The following GLB1L2 variants were observed in gnomAD, a reference collection of about 807,000 sequenced individuals.
GLB1L2 encodes beta-galactosidase-1-like protein 2.
In GLB1L2, 68 loss-of-function variants were observed where a neutral mutation model predicts 84.1. The ratio of observed to expected loss-of-function variants is 0.81; its 90% confidence interval spans 0.67 to 0.99. The LOEUF (loss-of-function observed/expected upper bound fraction) is 0.99. GLB1L2 is among the 50% of genes least tolerant of loss of function. The pLI is 0.00. For synonymous variants in GLB1L2, 290 were observed against 318.0 expected (o/e 0.91, Z 0.94); for missense variants, 762 against 805.6 (o/e 0.95, Z 0.66).
chr11:134,369,946 C>A, intron 11 of GLB1L2, 61 bp downstream of exon 11: 1 of 1,408,702 alleles, frequency 7.1e-7, no homozygotes, highest in Non-Finnish European at 1.0e-6. Context: ...TCTCAGACCC[C>A]TAAAGAGTTA....
At chr11:134,373,490 T>C (rs1943983539) in intron 15 of GLB1L2, among the ~76,000 whole-genome samples, 1 of 152,108 alleles carries the variant, frequency 6.6e-6, no homozygotes, top group African/African-American at 2.4e-5. Context: ...CCATGGCAAA[T>C]CTTAGGGTCT....
At chr11:134,349,350 G>A (rs1362863176) in intron 5 of GLB1L2, among the ~76,000 whole-genome samples, 1 of 152,216 alleles carries the variant, frequency 6.6e-6, no homozygotes, top group East Asian at 1.9e-4. Flanking sequence ...ATTGACGAAC[G>A]TTTGAGTTGC....
chr11:134,355,296 C>G (rs1943686264), intron 5 of GLB1L2, among the ~76,000 whole-genome samples: 1 of 152,114 alleles, frequency 6.6e-6, no homozygotes. Flanking sequence ...ATAGATCTTG[C>G]TCTACTGAGT....
rs1363207963 is a variant in GLB1L2 at position 134,334,857 on chromosome 11, T to C, written c.86+2710T>C. ...GAACCGTGCCTTTGAGCCAGTTGCCTTTCATTCTCTTCCTATTCGCACTCC... is the reference window on the plus strand; with the variant it reads ...GAACCGTGCCTTTGAGCCAGTTGCCCTTCATTCTCTTCCTATTCGCACTCC... On this transcript the variant is annotated intron_variant, in intron 1 of 18. Coordinates refer to ENST00000535456, the MANE Select transcript of GLB1L2 (RefSeq NM_001370461.1). The surrounding 1 kb of genome is among the most constrained non-coding windows in gnomAD (Gnocchi z 4.1). Among the ~76,000 whole-genome samples the C allele has an allele frequency of 3.3e-5, 5 of 152,238 alleles. No individual in the cohort carries two copies. The highest frequency in any genetic ancestry group is 3.3e-4 in the Admixed American group (5 of 15,284).
intron 7 of GLB1L2, chr11:134,360,910 G>C (rs1289421706): frequency 6.6e-6 from 1 of 152,162 alleles, no homozygotes; most frequent in Non-Finnish European, 1.5e-5. Context: ...TCCCAGCGCT[G>C]TGGGAGGCCG....
intron 6 of GLB1L2, 70 bp from the exon 7 acceptor site, chr11:134,358,990 G>A: frequency 9.2e-7 from 1 of 1,090,028 alleles, no homozygotes; most frequent in Non-Finnish European, 1.3e-6. Flanking sequence ...CTACCCAACT[G>A]CAGCTGTGTG....
At chr11:134,359,163 C>A in intron 7 of GLB1L2, 22 bp downstream of exon 7, 1 of 1,556,070 alleles carries the variant, frequency 6.4e-7, no homozygotes, top group Non-Finnish European at 8.7e-7. Context: ...TGTGTTGGGC[C>A]GTGGGGGCTG....
chr11:134,354,862 A>T (rs1439074871), intron 5 of GLB1L2, among the ~76,000 whole-genome samples: 1 of 152,118 alleles, frequency 6.6e-6, no homozygotes, highest in African/African-American at 2.4e-5. Flanking sequence ...AGCTCCTTAG[A>T]TTTATATAAT....
At chr11:134,340,837 T>C (rs2136260553) in intron 1 of GLB1L2, among the ~76,000 whole-genome samples, 1 of 152,330 alleles carries the variant, frequency 6.6e-6, no homozygotes, top group Middle Eastern at 3.4e-3. Context: ...TCCCAAAATA[T>C]TATGCTTTTG....
At chr11:134,336,869 A>C (rs1024482246) in intron 1 of GLB1L2, among the ~76,000 whole-genome samples, 1 of 152,202 alleles carries the variant, frequency 6.6e-6, no homozygotes, top group African/African-American at 2.4e-5. Context: ...GCCTTGTGTT[A>C]TCTAACAGAG....
chr11:134,371,489 C>T lies in GLB1L2; in HGVS notation c.1425C>T (p.Ile475=), dbSNP rs867467488. 6.3e-7 allele frequency: 1 copy of T among 1,577,808 alleles called. No homozygotes were observed. The highest frequency in any genetic ancestry group is 1.1e-5 in the South Asian group (1 of 90,324). ...CAACGAAGATTGCTGTCCCCCTGAT[C>T]CAGGTTCGTTGTTTTTGGGAGCTGG... ...YKTTKIAVPL[I]QGYTVLRILV... The change falls in exon 14 of 19, where the codon ATC becomes ATT. Residue 475 remains isoleucine (I), a synonymous_variant. Coordinates refer to ENST00000535456, the MANE Select transcript of GLB1L2 (RefSeq NM_001370461.1).
intron 1 of GLB1L2, among the ~76,000 whole-genome samples, chr11:134,332,525 C>T (rs1943316438): frequency 6.6e-6 from 1 of 152,278 alleles, no homozygotes; most frequent in African/African-American, 2.4e-5. Flanking sequence ...AGAGCTCCCT[C>T]TGCCCTTCCC....
At chr11:134,357,777 CTG>C (rs1177200551) in intron 6 of GLB1L2, among the ~76,000 whole-genome samples, 10 of 152,246 alleles carry the variant, frequency 6.6e-5, no homozygotes, top group African/African-American at 2.4e-4. Flanking sequence ...CAGCCTCTCT[CTG>C]AGGCTGCTGG....
At position 134,344,370 on chromosome 11, in the gene GLB1L2, T is replaced by A. The variant is rs1235430251; in HGVS notation, c.285-17T>A. 1.2e-6 allele frequency: 2 copies of A among 1,612,812 alleles called. No homozygotes were observed. Among genetic ancestry groups the A allele is most frequent in the Non-Finnish European group, 1.7e-6 (2 of 1,179,436 alleles). On this transcript the variant is annotated splice_polypyrimidine_tract_variant and intron_variant, in intron 2 of 18. Coordinates refer to ENST00000535456, the MANE Select transcript of GLB1L2 (RefSeq NM_001370461.1). ...TGAATGACATGCTCTAGCCTATAAT[T>A]ATCATTTCTGTTGCAGCTATGTTCC... is the stretch of plus-strand genomic sequence containing the variant.
In GLB1L2 at chr11:134,334,562, A is replaced by G. The variant is rs1012558235; in HGVS notation, c.86+2415A>G. On this transcript the variant is annotated intron_variant, in intron 1 of 18. Coordinates refer to ENST00000535456, the MANE Select transcript of GLB1L2 (RefSeq NM_001370461.1). The surrounding 1 kb of genome is among the most constrained non-coding windows in gnomAD (Gnocchi z 4.1). ...TTGATAAGCTTTGACACATATCTAA[A>G]TCCAGCTGTGAATCTATCACCACAG... 2.0e-5 allele frequency among the ~76,000 whole-genome samples: 3 copies of G among 152,074 alleles called. No individual in the cohort carries two copies. Among genetic ancestry groups the G allele is most frequent in the Non-Finnish European group, 4.4e-5 (3 of 68,028 alleles).
chr11:134,341,657 G>A (rs1256547595), intron 1 of GLB1L2, among the ~76,000 whole-genome samples: 1 of 152,234 alleles, frequency 6.6e-6, no homozygotes, highest in Non-Finnish European at 1.5e-5. Flanking sequence ...AGGCCCTGGG[G>A]CTGTGAGAAG....
In GLB1L2 at chr11:134,368,758, A is replaced by G; in HGVS notation, c.1004A>G (p.Tyr335Cys). The G allele has an allele frequency of 1.2e-6, 2 of 1,613,786 alleles. No individual in the cohort carries two copies. Among genetic ancestry groups the G allele is most frequent in the Non-Finnish European group, 1.7e-6 (2 of 1,179,874 alleles). Residue 335 changes from tyrosine to cysteine, a missense_variant, in exon 10 of 19, where the codon TAC (tyrosine) becomes TGC (cysteine). By Grantham distance (194) the Tyr-to-Cys change is radical (BLOSUM62 -2). Transcript: ENST00000535456. The stretch of plus-strand genomic sequence containing the variant: ...AATGGAGCCATGCACTTCCATGACT[A>G]CAAGTCAGATGTCACCAGCTATGGC... ...FMNGAMHFHD[Y>C]KSDVTSYDYD...
chr11:134,347,916 C>T (rs927188873), intron 5 of GLB1L2, among the ~76,000 whole-genome samples: 1 of 152,202 alleles, frequency 6.6e-6, no homozygotes, highest in Non-Finnish European at 1.5e-5. Flanking sequence ...GCTGACTTTA[C>T]GAGATACTTC....
At chr11:134,373,698 C>T (rs905218271) in intron 15 of GLB1L2, 23 bp from the exon 16 acceptor site, 5 of 1,543,994 alleles carry the variant, frequency 3.2e-6, no homozygotes, top group Non-Finnish European at 3.6e-6. Context: ...GGGCTACCCA[C>T]GTGTCCTGCC....
Sources: allele counts gnomAD v4.1 joint callset (sites outside exome capture counted in the v4.1 genomes callset), GRCh38; gene constraint gnomAD v4.1.1; non-coding constraint Gnocchi (gnomAD v3.1); transcripts MANE v1.5; gene names NCBI Gene and HGNC (gene_info 2026-07-23, HGNC 2026-07-21).